The following APH1B variants were observed in gnomAD, a reference collection of about 807,000 sequenced individuals.
The protein encoded by APH1B is gamma-secretase subunit APH-1B.
In APH1B, 27 loss-of-function variants were observed where a neutral mutation model predicts 28.2. That is an observed-to-expected ratio of 0.96 (90% CI 0.70 to 1.32). APH1B has a LOEUF of 1.32. Among genes scored for constraint, APH1B ranks in the 40% most tolerant of loss-of-function variants. The pLI, the probability that APH1B is intolerant of heterozygous loss-of-function variation, is 0.00. For synonymous variants in APH1B, 141 were observed against 124.6 expected (o/e 1.13, Z -0.88); for missense variants, 305 against 313.6 (o/e 0.97, Z 0.21).
chr15:63,294,694 G>A (rs2038545838), intron 4 of APH1B, among the ~76,000 whole-genome samples: 1 of 152,214 alleles, frequency 6.6e-6, no homozygotes, highest in East Asian at 1.9e-4. Context: ...AATCAGCTTT[G>A]AGGTTTACTT....
rs748873773 is a variant in APH1B at position 63,305,748 on chromosome 15, G to T, written c.741G>T (p.Lys247Asn). ...AACTCTGCCTGCTCTGCCAAGACAA[G>T]AACTTTCTTCTTTACAACCAGCGCT... ...SLKLCLLCQDKNFLLYNQRSR is the reference protein window; with the variant it reads ...SLKLCLLCQDNNFLLYNQRSR The change falls in exon 6 of 6, where the codon AAG becomes AAT. Residue 247 changes from lysine to asparagine, a missense_variant. Transcript: ENST00000261879. The T allele has an allele frequency of 3.7e-6, 6 of 1,614,022 alleles. No homozygotes were observed. In the African/African-American group the frequency reaches 8.0e-5, roughly 22 times the overall value.
intron 4 of APH1B, among the ~76,000 whole-genome samples, chr15:63,290,497 T>C (rs2038493984): frequency 6.6e-6 from 1 of 152,204 alleles, no homozygotes; most frequent in Non-Finnish European, 1.5e-5. Context: ...TATACCAAGC[T>C]ATGAAAATAG....
At position 63,279,183 on chromosome 15, in the gene APH1B, C is replaced by G. The variant is rs745795117; in HGVS notation, c.136C>G (p.Leu46Val). 5.6e-6 allele frequency: 9 copies of G among 1,605,720 alleles called. No individual in the cohort carries two copies. The highest frequency in any genetic ancestry group is 6.0e-6 in the Non-Finnish European group (7 of 1,174,502). The part of the protein sequence containing the change: ...IAGAFFWLVS[L>V]LISSLVWFMA... ...CAGAGCTTTCTTCTGGTTGGTGTCT[C>G]TACTGATTTCGTCCCTTGTTTGGTT... is the stretch of plus-strand genomic sequence containing the variant. The change falls in exon 2 of 6, where the codon CTA becomes GTA. Residue 46 changes from leucine to valine, a missense_variant. Coordinates refer to ENST00000261879, the MANE Select transcript of APH1B (RefSeq NM_031301.4).
intron 4 of APH1B, among the ~76,000 whole-genome samples, chr15:63,296,788 G>A (rs2038573041): frequency 6.6e-6 from 1 of 151,726 alleles, no homozygotes; most frequent in Non-Finnish European, 1.5e-5. Context: ...CTCCCGAGTA[G>A]CTGGGACTAC....
chr15:63,284,921 A>G (rs2038430119), intron 2 of APH1B, among the ~76,000 whole-genome samples: 1 of 152,222 alleles, frequency 6.6e-6, no homozygotes, highest in African/African-American at 2.4e-5. Context: ...ATTCTACTAT[A>G]TTGATATATT....
chr15:63,301,456 C>T (rs760637105), intron 4 of APH1B, among the ~76,000 whole-genome samples: 5 of 152,206 alleles, frequency 3.3e-5, no homozygotes, highest in Admixed American at 6.5e-5. Flanking sequence ...AACCAGTACA[C>T]AAGATACACA....
rs2038706181 is a variant in APH1B at position 63,308,117 on chromosome 15, C to G, written c.*2336C>G. ...TTTTTTTTTATTTTGCATTTGTTAT[C>G]TATAATGAGCTTTCTGAGCCCTGAT... On this transcript the variant is annotated 3_prime_UTR_variant, in exon 6 of 6. Transcript: ENST00000261879. The G allele has an allele frequency of 6.6e-6, 1 of 151,554 alleles. No individual in the cohort carries two copies. Among genetic ancestry groups the G allele is most frequent in the South Asian group, 2.1e-4 (1 of 4,810 alleles). The allele number at this position is 151,554 out of a possible 1,614,324, so 9.4% of individuals were successfully genotyped here.
intron 4 of APH1B, 134 bp downstream of exon 4, chr15:63,287,680 T>G: frequency 3.4e-6 from 4 of 1,181,114 alleles, no homozygotes; most frequent in Non-Finnish European, 4.6e-6. Flanking sequence ...TCTGAGGCAC[T>G]GTGAAGTAAA....
At chr15:63,293,091 T>C (rs1595762128) in intron 4 of APH1B, among the ~76,000 whole-genome samples, 3 of 152,230 alleles carry the variant, frequency 2.0e-5, no homozygotes, top group Admixed American at 2.0e-4. Flanking sequence ...TTTCTTCTCA[T>C]GGGTAAAATT....
At chr15:63,295,961 A>G (rs1284240150) in intron 4 of APH1B, among the ~76,000 whole-genome samples, 1 of 152,218 alleles carries the variant, frequency 6.6e-6, no homozygotes, top group East Asian at 1.9e-4. Flanking sequence ...AGAGTGTTTC[A>G]TAATTCTTCA....
At chr15:63,281,773 T>A (rs957082635) in intron 2 of APH1B, among the ~76,000 whole-genome samples, 10 of 151,816 alleles carry the variant, frequency 6.6e-5, no homozygotes, top group African/African-American at 2.4e-4. Flanking sequence ...TTTTTTTTTT[T>A]AATTTTAATT....
At chr15:63,288,201 C>A (rs766138846) in intron 4 of APH1B, among the ~76,000 whole-genome samples, 16 of 152,180 alleles carry the variant, frequency 1.1e-4, no homozygotes, top group Admixed American at 3.9e-4. Context: ...ATTGAAATAA[C>A]TGAGTTCACA....
chr15:63,282,716 T>C (rs535849379), intron 2 of APH1B, among the ~76,000 whole-genome samples: 2 of 152,346 alleles, frequency 1.3e-5, no homozygotes, highest in South Asian at 4.1e-4. Flanking sequence ...CAATTTTGTC[T>C]TAAAAGGTTG....
intron 4 of APH1B, among the ~76,000 whole-genome samples, chr15:63,301,164 A>G (rs1567032477): frequency 1.3e-5 from 2 of 152,228 alleles, no homozygotes; most frequent in African/African-American, 2.4e-5. Flanking sequence ...TCCCAGGTGC[A>G]GTGATCTATT....
rs2038700273 is a variant in APH1B at position 63,307,659 on chromosome 15, A to G, written c.*1878A>G. 6.6e-6 allele frequency: 1 copy of G among 152,248 alleles called. No homozygotes were observed. Among genetic ancestry groups the G allele is most frequent in the South Asian group, 2.1e-4 (1 of 4,836 alleles). The allele number at this position is 152,248 out of a possible 1,614,324, so 9.4% of individuals were successfully genotyped here. On this transcript the variant is annotated 3_prime_UTR_variant, in exon 6 of 6. Coordinates refer to ENST00000261879, the MANE Select transcript of APH1B (RefSeq NM_031301.4). ...GGTCTTCTTTGAATAAGAAAAATAC[A>G]TAGTTGGTTATTATGGACTTAAAAC...
At chr15:63,305,290 C>A (rs2038674363) in intron 5 of APH1B, among the ~76,000 whole-genome samples, 1 of 152,186 alleles carries the variant, frequency 6.6e-6, no homozygotes, top group African/African-American at 2.4e-5. Flanking sequence ...CACTTTCTTG[C>A]AAATTCTAAG....
chr15:63,277,644 C>T lies in APH1B; in HGVS notation c.21C>T (p.Phe7=). The change falls in exon 1 of 6, where the codon TTC becomes TTT. Residue 7 remains phenylalanine, a synonymous_variant. Coordinates refer to ENST00000261879, the MANE Select transcript of APH1B (RefSeq NM_031301.4). ...TGGCCATGACTGCGGCCGTGTTCTT[C>T]GGCTGCGCCTTCATTGCCTTCGGGC... MTAAVF[F]GCAFIAFGPA... is the part of the protein sequence containing the mutation. 6.3e-7 allele frequency: 1 copy of T among 1,588,812 alleles called. No individual in the cohort carries two copies. Among genetic ancestry groups the T allele is most frequent in the Non-Finnish European group, 8.6e-7 (1 of 1,167,108 alleles).
At chr15:63,299,693 C>T (rs1244554573) in intron 4 of APH1B, among the ~76,000 whole-genome samples, 4 of 152,118 alleles carry the variant, frequency 2.6e-5, no homozygotes, top group South Asian at 4.2e-4. Context: ...TGTGAGCCAT[C>T]GCGCCCAGCC....
chr15:63,301,971 A>C (rs1330973454), intron 4 of APH1B, among the ~76,000 whole-genome samples: 1 of 152,198 alleles, frequency 6.6e-6, no homozygotes, highest in Non-Finnish European at 1.5e-5. Context: ...ATTCCACTTT[A>C]GTGAGGAGCC....
Sources: allele counts gnomAD v4.1 joint callset (sites outside exome capture counted in the v4.1 genomes callset), GRCh38; gene constraint gnomAD v4.1.1; transcripts MANE v1.5; gene names NCBI Gene and HGNC (gene_info 2026-07-23, HGNC 2026-07-21).